TUBGCP3: variants seen among roughly 807,000 people sequenced by gnomAD.
TUBGCP3 encodes tubulin gamma complex component 3.
Under a neutral mutation model 123.1 loss-of-function variants are expected in TUBGCP3, and 50 were observed. The ratio of observed to expected loss-of-function variants is 0.41; its 90% CI spans 0.32 to 0.51. The LOEUF (loss-of-function observed/expected upper bound fraction) is 0.51. Ranked by LOEUF, TUBGCP3 falls within the 20% of genes least tolerant of loss-of-function variation. The pLI is 0.36. For synonymous variants in TUBGCP3, 405 were observed against 413.9 expected, an observed-to-expected ratio of 0.98 and a Z score of 0.26; for missense variants, 882 against 1,127.0, an observed-to-expected ratio of 0.78 and a Z score of 3.11.
At chr13:112,600,840 G>T in the TUBGCP3 span, among the ~76,000 whole-genome samples, 3 of 151,988 alleles carry the variant, frequency 2.0e-5, no homozygotes, top group East Asian at 5.8e-4. Flanking sequence ...GGCATATTAA[G>T]TTTTTGAGTA....
At chr13:112,600,119 C>G in the TUBGCP3 span, among the ~76,000 whole-genome samples, 1 of 152,172 alleles carries the variant, frequency 6.6e-6, no homozygotes, top group Non-Finnish European at 1.5e-5. Flanking sequence ...GCTGAGGCGA[C>G]GCTGGTGGGA....
At chr13:112,596,358 C>G in the TUBGCP3 span, among the ~76,000 whole-genome samples, 9 of 152,168 alleles carry the variant, frequency 5.9e-5, no homozygotes, top group Admixed American at 4.6e-4. Context: ...ACTCTCCTTT[C>G]ATTCCTGAAG....
At chr13:112,567,947 T>C (rs1380669616) in intron 2 of TUBGCP3, among the ~76,000 whole-genome samples, 3 of 150,798 alleles carry the variant, frequency 2.0e-5, no homozygotes, top group East Asian at 2.0e-4. Flanking sequence ...CACAGCCAAA[T>C]GGGCTTCTAG....
At chr13:112,526,801 T>A in intron 13 of TUBGCP3, 141 bp downstream of exon 13, 2 of 634,400 alleles carry the variant, frequency 3.2e-6, no homozygotes, top group Non-Finnish European at 5.5e-6. Flanking sequence ...ATCATTATCA[T>A]CACATCACCA....
At chr13:112,520,143 A>G (rs1876492829) in intron 14 of TUBGCP3, 122 bp from the exon 15 acceptor site, 2 of 856,544 alleles carry the variant, frequency 2.3e-6, no homozygotes, top group Non-Finnish European at 3.4e-6. Flanking sequence ...AAATGGGACC[A>G]ATACAATAAT....
chr13:112,560,387 G>C (rs1002465473), intron 3 of TUBGCP3, among the ~76,000 whole-genome samples: 2 of 148,238 alleles, frequency 1.3e-5, no homozygotes, highest in Non-Finnish European at 3.0e-5. Context: ...CCGAGATCCC[G>C]CCACTGCACT....
intron 20 of TUBGCP3, chr13:112,498,799 A>C: frequency 6.4e-7 from 1 of 1,551,104 alleles, no homozygotes; most frequent in Non-Finnish European, 8.7e-7. Context: ...CGGGCAGGAG[A>C]TTTGTAATTC....
At chr13:112,506,156 GCA>G (rs1239700908) in intron 17 of TUBGCP3, among the ~76,000 whole-genome samples, 1 of 152,208 alleles carries the variant, frequency 6.6e-6, no homozygotes, top group African/African-American at 2.4e-5. Flanking sequence ...CTTAGACAAT[GCA>G]CCTTTCAGAT....
chr13:112,503,982 A>T, intron 19 of TUBGCP3, 50 bp downstream of exon 19: 1 of 1,557,846 alleles, frequency 6.4e-7, no homozygotes, highest in Non-Finnish European at 8.7e-7. Context: ...AACCCAAGAA[A>T]AGAAGATGAT....
chr13:112,556,980 A>C (rs1296532368), intron 5 of TUBGCP3, among the ~76,000 whole-genome samples: 1 of 152,194 alleles, frequency 6.6e-6, no homozygotes, highest in Non-Finnish European at 1.5e-5. Flanking sequence ...GCTTGGATTT[A>C]GTACTGGTGC....
chr13:112,540,213 A>C (rs1878402006), intron 11 of TUBGCP3, among the ~76,000 whole-genome samples: 1 of 147,386 alleles, frequency 6.8e-6, no homozygotes, highest in Admixed American at 6.7e-5. Context: ...ACGTCAATGT[A>C]GTAGCCTATG....
intron 1 of TUBGCP3, among the ~76,000 whole-genome samples, chr13:112,578,558 C>CAAAAAAAAAAAAAAAAAAA (rs71131496): frequency 1.2e-4 from 3 of 24,912 alleles, no homozygotes; most frequent in Admixed American, 6.7e-4. Context: ...GACTCCGTCT[C>CAAAAAAAAAAAAAAAAAAA]AAAAAAAAAA....
At chr13:112,547,839 A>G in intron 9 of TUBGCP3, 87 bp from the exon 10 acceptor site, 5 of 1,319,702 alleles carry the variant, frequency 3.8e-6, no homozygotes, top group Non-Finnish European at 4.9e-6. Flanking sequence ...ACATAAGAAA[A>G]TGATTATACT....
At position 112,547,577 on chromosome 13, in the gene TUBGCP3, T is replaced by A. The variant is rs112103679; in HGVS notation, c.1168+43A>T. 5,459 of 1,006,850 alleles carry A rather than the reference T, an allele frequency of 5.4e-3. 200 individuals are homozygous for A. In the African/African-American group the frequency reaches 0.18, roughly 33 times the overall value. The allele number at this position is 1,006,850 out of a possible 1,614,324, so 62.4% of individuals were successfully genotyped here. ...CGTGGGAAAGTCGCGCGTGGGAAAGTCGCGCGTGGGAAAGACGTGCGTGGG... is the reference window on the plus strand; with the variant it reads ...CGTGGGAAAGTCGCGCGTGGGAAAGACGCGCGTGGGAAAGACGTGCGTGGG... On this transcript the variant is annotated intron_variant, in intron 10 of 21. Coordinates refer to ENST00000261965, the MANE Select transcript of TUBGCP3 (RefSeq NM_006322.6).
In TUBGCP3 at chr13:112,508,911, C is replaced by A. The variant is rs76902902; in HGVS notation, c.2087-4197G>T. Among the ~76,000 whole-genome samples, 944 of 152,232 alleles carry A rather than the reference C, an allele frequency of 6.2e-3. 7 individuals are homozygous for A. Among genetic ancestry groups the A allele is most frequent in the African/African-American group, 0.022 (904 of 41,536 alleles). ...ATCCATTCCCTTCCCTCCAGCCCCG[C>A]GGCTGCTGTAACCATAAAGGCCAAC... On this transcript the variant is annotated intron_variant, in intron 17 of 21. Coordinates refer to ENST00000261965, the MANE Select transcript of TUBGCP3 (RefSeq NM_006322.6). The surrounding 1 kb of genome is among the most constrained non-coding windows in gnomAD (Gnocchi z 4.2).
intron 1 of TUBGCP3, among the ~76,000 whole-genome samples, chr13:112,577,692 G>A (rs1332042887): frequency 6.6e-6 from 1 of 151,978 alleles, no homozygotes; most frequent in Non-Finnish European, 1.5e-5. Flanking sequence ...AATGGTACTG[G>A]GCTTACAGGA....
At chr13:112,575,754 C>T (rs1390417295) in intron 1 of TUBGCP3, among the ~76,000 whole-genome samples, 2 of 152,230 alleles carry the variant, frequency 1.3e-5, no homozygotes, top group South Asian at 2.1e-4. Flanking sequence ...TGTCCTCTAA[C>T]ACTAACAGAA....
chr13:112,576,154 CG>C (rs1881792496), intron 1 of TUBGCP3, among the ~76,000 whole-genome samples: 1 of 152,116 alleles, frequency 6.6e-6, no homozygotes, highest in Admixed American at 6.5e-5. Context: ...ATGGAATGAA[CG>C]TAATTCTGAA....
At chr13:112,555,901 C>G in intron 6 of TUBGCP3, 151 bp downstream of exon 6, 2 of 853,868 alleles carry the variant, frequency 2.3e-6, no homozygotes, top group East Asian at 2.8e-5. Flanking sequence ...CAAGGCGCCG[C>G]AGACCACCAG....
Sources: allele counts gnomAD v4.1 joint callset (sites outside exome capture counted in the v4.1 genomes callset), GRCh38; gene constraint gnomAD v4.1.1; non-coding constraint Gnocchi (gnomAD v3.1); transcripts MANE v1.5; gene names NCBI Gene and HGNC (gene_info 2026-07-23, HGNC 2026-07-21).